Variants in SLC39A11 observed in about 807,000 individuals in gnomAD.
The protein encoded by SLC39A11 is solute carrier family 39 member 11.
In SLC39A11, 33 loss-of-function variants were observed where a neutral mutation model predicts 36.1. The ratio of observed to expected loss-of-function variants is 0.91; its 90% CI spans 0.69 to 1.22. The LOEUF is 1.22. Ranked by LOEUF, SLC39A11 falls within the 50% of genes most tolerant of loss-of-function variation. The pLI is 0.00. For synonymous variants in SLC39A11, 166 were observed against 170.3 expected, an observed-to-expected ratio of 0.97 and a Z score of 0.20; for missense variants, 432 against 430.3, an observed-to-expected ratio of 1.00 and a Z score of -0.03.
chr17:72,819,267 A>T (rs753207572), intron 6 of SLC39A11, among the ~76,000 whole-genome samples: 4 of 151,204 alleles, frequency 2.6e-5, no homozygotes, highest in African/African-American at 4.8e-5. Flanking sequence ...TAAAGAGAAG[A>T]TGACGTCAAG....
In SLC39A11 at chr17:73,087,888, C is replaced by T. The variant is rs116146219; in HGVS notation, c.108+769G>A. 7.6e-3 allele frequency among the ~76,000 whole-genome samples: 1,160 copies of T among 152,252 alleles called. 18 individuals are homozygous for T. Among genetic ancestry groups the T allele is most frequent in the African/African-American group, 0.026 (1,099 of 41,546 alleles). On this transcript the variant is annotated intron_variant, in intron 2 of 9. Coordinates refer to ENST00000255559, the MANE Select transcript of SLC39A11 (RefSeq NM_139177.4). ...GTTGAAAAAAAAGGGAACAGATGCCCCTTCTTCTCCCAAGGTCTTTCCAAC... is the reference window on the plus strand; with the variant it reads ...GTTGAAAAAAAAGGGAACAGATGCCTCTTCTTCTCCCAAGGTCTTTCCAAC...
intron 6 of SLC39A11, among the ~76,000 whole-genome samples, chr17:72,834,477 C>T (rs1478178495): frequency 6.6e-6 from 1 of 152,058 alleles, no homozygotes; most frequent in Non-Finnish European, 1.5e-5. Context: ...CAAAAATTAC[C>T]TGCGCATGGT....
intron 7 of SLC39A11, chr17:72,725,624 CTG>C (rs2073892520): frequency 6.6e-6 from 1 of 152,200 alleles, no homozygotes; most frequent in African/African-American, 2.4e-5. Context: ...CCTTCTGGTA[CTG>C]TGTCTAGCAA....
At chr17:72,979,503 G>A (rs2088131511) in intron 4 of SLC39A11, among the ~76,000 whole-genome samples, 1 of 152,166 alleles carries the variant, frequency 6.6e-6, no homozygotes, top group Non-Finnish European at 1.5e-5. Flanking sequence ...TGGGATGAGG[G>A]ACGGATAGAG....
chr17:73,004,163 A>AAAAGAAAGAAAGAAAGAAAGAAAGAAAAG (rs2089999947), intron 4 of SLC39A11, among the ~76,000 whole-genome samples: 1 of 100,234 alleles, frequency 1.0e-5, no homozygotes, highest in African/African-American at 4.7e-5. Context: ...AAGAAGGAAA[A>AAAAGAAAGAAAGAAAGAAAGAAAGAAAAG]AAAGAAAGAA....
At position 73,062,830 on chromosome 17, in the gene SLC39A11, C is replaced by G. The variant is rs191770734; in HGVS notation, c.147+21978G>C. ...TCATAAGGAGACCGTAACCTAGATC[C>G]CTTGCACGTGCAGTTCACCATAGGA... On this transcript the variant is annotated intron_variant, in intron 3 of 9. Transcript: ENST00000255559. Among the ~76,000 whole-genome samples the G allele has an allele frequency of 7.9e-5, 12 of 152,246 alleles. No homozygotes were observed. The East Asian group carries it at 2.3e-3, about 29-fold the overall frequency.
intron 7 of SLC39A11, among the ~76,000 whole-genome samples, chr17:72,662,380 A>G (rs2070469134): frequency 6.6e-6 from 1 of 151,090 alleles, no homozygotes; most frequent in East Asian, 1.9e-4. Flanking sequence ...AGGAAAAGAA[A>G]AGAAAGAAAA....
intron 4 of SLC39A11, among the ~76,000 whole-genome samples, chr17:73,006,002 C>A (rs1445556531): frequency 6.6e-6 from 1 of 151,816 alleles, no homozygotes; most frequent in African/African-American, 2.4e-5. Flanking sequence ...ATCATTAGCA[C>A]CTACCTCACA....
intron 7 of SLC39A11, among the ~76,000 whole-genome samples, chr17:72,665,672 C>T (rs1417671475): frequency 6.6e-6 from 1 of 152,034 alleles, no homozygotes; most frequent in Non-Finnish European, 1.5e-5. Context: ...AAGGTGTGAG[C>T]CACCACACCC....
At chr17:72,894,741 G>A (rs1293270834) in intron 5 of SLC39A11, among the ~76,000 whole-genome samples, 3 of 151,636 alleles carry the variant, frequency 2.0e-5, no homozygotes, top group African/African-American at 4.8e-5. Context: ...AGTCAGAAAC[G>A]TTTCAGAGAG....
intron 5 of SLC39A11, among the ~76,000 whole-genome samples, chr17:72,902,185 C>T (rs917428902): frequency 2.0e-5 from 3 of 151,918 alleles, no homozygotes; most frequent in Non-Finnish European, 4.4e-5. Flanking sequence ...GCAGGATAAT[C>T]GCTTAAACCT....
intron 6 of SLC39A11, among the ~76,000 whole-genome samples, chr17:72,800,495 G>C (rs767875966): frequency 1.3e-5 from 2 of 151,912 alleles, no homozygotes; most frequent in Non-Finnish European, 2.9e-5. Flanking sequence ...ATTTTTAGTA[G>C]AGACGGGGTT....
intron 6 of SLC39A11, among the ~76,000 whole-genome samples, chr17:72,840,640 T>C (rs967265978): frequency 1.3e-5 from 2 of 152,152 alleles, no homozygotes; most frequent in African/African-American, 4.8e-5. Flanking sequence ...GTGCCTGTAA[T>C]CCCAGCTACT....
chr17:72,813,425 C>G (rs2077490069), intron 6 of SLC39A11, among the ~76,000 whole-genome samples: 1 of 152,182 alleles, frequency 6.6e-6, no homozygotes, highest in Admixed American at 6.5e-5. Context: ...CATTCTAAAG[C>G]ATAATATTAA....
At chr17:72,946,102 T>A (rs979681039) in intron 5 of SLC39A11, among the ~76,000 whole-genome samples, 2 of 152,310 alleles carry the variant, frequency 1.3e-5, no homozygotes, top group African/African-American at 4.8e-5. Context: ...GAACTCAGCA[T>A]GAAAAATGAC....
intron 4 of SLC39A11, among the ~76,000 whole-genome samples, chr17:72,966,940 C>T (rs1188870433): frequency 6.6e-6 from 1 of 152,200 alleles, no homozygotes; most frequent in Non-Finnish European, 1.5e-5. Flanking sequence ...GTCAGATCAG[C>T]AGCGGCATTA....
chr17:72,741,621 C>T (rs571630866), intron 6 of SLC39A11, among the ~76,000 whole-genome samples: 392 of 152,198 alleles, frequency 2.6e-3, no homozygotes, highest in Non-Finnish European at 3.4e-3. Context: ...AATTTGGAGC[C>T]TAGAGGCCTA....
intron 5 of SLC39A11, among the ~76,000 whole-genome samples, chr17:72,857,044 G>T (rs2079681053): frequency 6.6e-6 from 1 of 152,174 alleles, no homozygotes; most frequent in South Asian, 2.1e-4. Flanking sequence ...GTAAACTCAT[G>T]TCACGGGGGT....
chr17:72,704,233 T>C (rs1018918083), intron 7 of SLC39A11, among the ~76,000 whole-genome samples: 2 of 152,246 alleles, frequency 1.3e-5, no homozygotes, highest in African/African-American at 4.8e-5. Context: ...AATCTTCTTA[T>C]GGGAGATAAA....
Sources: allele counts gnomAD v4.1 joint callset (sites outside exome capture counted in the v4.1 genomes callset), GRCh38; gene constraint gnomAD v4.1.1; transcripts MANE v1.5; gene names NCBI Gene and HGNC (gene_info 2026-07-23, HGNC 2026-07-21).